CCAR1: variants seen among roughly 807,000 people sequenced by gnomAD.
CCAR1 encodes cell division cycle and apoptosis regulator protein 1.
A neutral mutation model predicts 163.8 loss-of-function variants in CCAR1; 78 were observed. That is an observed-to-expected ratio of 0.48 (90% CI 0.40 to 0.57). The LOEUF (loss-of-function observed/expected upper bound fraction) is 0.57. Among genes scored for constraint, CCAR1 ranks in the 20% least tolerant of loss-of-function variants. The probability of loss-of-function intolerance (pLI) is 0.00; values close to 1 mark genes in which losing one functional copy is unlikely to be tolerated. For synonymous variants in CCAR1, 443 were observed against 460.7 expected, an observed-to-expected ratio of 0.96 and a Z score of 0.49; for missense variants, 1,019 against 1,365.2, an observed-to-expected ratio of 0.75 and a Z score of 4.00.
At chr10:68,751,633 C>T (rs895401279) in intron 10 of CCAR1, among the ~76,000 whole-genome samples, 1 of 151,786 alleles carries the variant, frequency 6.6e-6, no homozygotes, top group African/African-American at 2.4e-5. Flanking sequence ...GAGGCTGAGG[C>T]GGACAGATCA....
chr10:68,724,406 A>C (rs945467412), intron 2 of CCAR1, among the ~76,000 whole-genome samples: 7 of 152,092 alleles, frequency 4.6e-5, no homozygotes, highest in Non-Finnish European at 8.8e-5. Context: ...GCAGAGGTTG[A>C]GTGAGCTGAT....
At chr10:68,770,326 A>C (rs954261293) in intron 17 of CCAR1, among the ~76,000 whole-genome samples, 1 of 152,180 alleles carries the variant, frequency 6.6e-6, no homozygotes, top group African/African-American at 2.4e-5. Flanking sequence ...GGATGATAGG[A>C]GGGGTTTTTA....
chr10:68,790,249 C>T (rs1400863695), intron 24 of CCAR1, among the ~76,000 whole-genome samples: 1 of 151,708 alleles, frequency 6.6e-6, no homozygotes, highest in Non-Finnish European at 1.5e-5. Flanking sequence ...CCTAGCTACC[C>T]GGAAGGCTGA....
intron 18 of CCAR1, 73 bp downstream of exon 18, chr10:68,771,518 T>C (rs2056602303): frequency 3.0e-6 from 4 of 1,343,522 alleles, no homozygotes; most frequent in Non-Finnish European, 4.1e-6. Context: ...TTGATTTCCA[T>C]CAGAATATTA....
chr10:68,780,487 C>A (rs2056722902), intron 19 of CCAR1, among the ~76,000 whole-genome samples: 1 of 152,230 alleles, frequency 6.6e-6, no homozygotes, highest in Non-Finnish European at 1.5e-5. Flanking sequence ...ACCACCACAC[C>A]CAGCCATTAG....
At chr10:68,762,327 TA>T (rs11292489) in intron 16 of CCAR1, among the ~76,000 whole-genome samples, 125,942 of 146,390 alleles carry the variant, frequency 0.86, 54,053 homozygotes, top group Admixed American at 0.89. Context: ...AGACTCTGTC[TA>T]AAAAAAAAAA....
At chr10:68,778,267 C>G (rs1278922200) in intron 19 of CCAR1, among the ~76,000 whole-genome samples, 1 of 152,122 alleles carries the variant, frequency 6.6e-6, no homozygotes, top group Non-Finnish European at 1.5e-5. Context: ...CAAGACTCTA[C>G]CACGTCATGT....
chr10:68,769,034 G>A (rs545210057), intron 17 of CCAR1, among the ~76,000 whole-genome samples: 109 of 152,216 alleles, frequency 7.2e-4, no homozygotes, highest in Middle Eastern at 6.8e-3. Context: ...TAGTGTAATG[G>A]CATGATCTTG....
chr10:68,786,625 G>C lies in CCAR1; in HGVS notation c.2813G>C (p.Gly938Ala). 1 of 1,603,918 alleles carries C rather than the reference G, an allele frequency of 6.2e-7. No individual in the cohort carries two copies. Among genetic ancestry groups the C allele is most frequent in the Non-Finnish European group, 8.5e-7 (1 of 1,174,880 alleles). Residue 938 changes from glycine (G) to alanine (A), a missense_variant, in exon 21 of 25, where the codon GGT becomes GCT. Gly to Ala is a moderately conservative substitution (Grantham distance 60). This residue lies in a region of CCAR1 where 358 missense variants were observed against 406.4 expected (regional missense o/e 0.88). Transcript: ENST00000265872. ...AFVYFDQSHC[G>A]YLLEKDLEEI... is the part of the protein sequence containing the mutation. ...GTTTATTTTGATCAAAGTCATTGTGGTTACCTTCTTGAAAAGGATTTGGAA... is the reference window on the plus strand; with the variant it reads ...GTTTATTTTGATCAAAGTCATTGTGCTTACCTTCTTGAAAAGGATTTGGAA...
rs537009295 is a variant in CCAR1 at position 68,762,801 on chromosome 10, C to T, written c.2106+1609C>T. ...AATGTGAAAAATTCTCGAAGCTTTC[C>T]TAAGCTTTTCAAAAAATGGTCCATA... On this transcript the variant is annotated intron_variant, in intron 16 of 24. Transcript: ENST00000265872. Among the ~76,000 whole-genome samples, 51 of 151,164 alleles carry T rather than the reference C, an allele frequency of 3.4e-4. No homozygotes were observed. In the South Asian group the frequency reaches 9.8e-3, roughly 29 times the overall value.
At chr10:68,789,377 A>C (rs1438700515) in intron 23 of CCAR1, among the ~76,000 whole-genome samples, 1 of 151,520 alleles carries the variant, frequency 6.6e-6, no homozygotes, top group East Asian at 2.0e-4. Context: ...AGATTGTTTG[A>C]GGTCAGGAGT....
intron 4 of CCAR1, among the ~76,000 whole-genome samples, chr10:68,738,960 C>T (rs2056148781): frequency 6.6e-6 from 1 of 152,154 alleles, no homozygotes; most frequent in Non-Finnish European, 1.5e-5. Context: ...GGGAGAAAGT[C>T]ACACTTTGTA....
chr10:68,750,485 A>G (rs1037498517), intron 10 of CCAR1, among the ~76,000 whole-genome samples: 9 of 152,132 alleles, frequency 5.9e-5, no homozygotes, highest in Non-Finnish European at 1.2e-4. Flanking sequence ...TGGCCCTCCC[A>G]AAGTGCTGGG....
intron 19 of CCAR1, 103 bp downstream of exon 19, chr10:68,773,202 A>G (rs1167683572): frequency 6.4e-6 from 4 of 621,642 alleles, no homozygotes; most frequent in Non-Finnish European, 8.3e-6. Context: ...TTTTTTCTTT[A>G]GAATAGAAAG....
chr10:68,777,924 C>G (rs1016352296), intron 19 of CCAR1, among the ~76,000 whole-genome samples: 1 of 151,552 alleles, frequency 6.6e-6, no homozygotes, highest in Non-Finnish European at 1.5e-5. Context: ...AAAGCAAGAC[C>G]CTGTCTGAAA....
chr10:68,742,774 C>T (rs1175865887), intron 6 of CCAR1, among the ~76,000 whole-genome samples: 2 of 151,918 alleles, frequency 1.3e-5, no homozygotes, highest in East Asian at 3.9e-4. Flanking sequence ...CACCACCACA[C>T]TCGGCTAATT....
At chr10:68,764,473 A>G (rs2080899466) in intron 16 of CCAR1, among the ~76,000 whole-genome samples, 2 of 151,862 alleles carry the variant, frequency 1.3e-5, no homozygotes, top group African/African-American at 2.4e-5. Context: ...GGTCAACGCT[A>G]TTTGTGAGCT....
intron 19 of CCAR1, among the ~76,000 whole-genome samples, chr10:68,781,987 CAGTT>C (rs1419408576): frequency 6.6e-6 from 1 of 152,098 alleles, no homozygotes; most frequent in African/African-American, 2.4e-5. Flanking sequence ...TTTTTGGCGT[CAGTT>C]AGCCATGTTG....
At chr10:68,742,963 C>T (rs984401940) in intron 6 of CCAR1, among the ~76,000 whole-genome samples, 4 of 151,804 alleles carry the variant, frequency 2.6e-5, no homozygotes, top group African/African-American at 7.3e-5. Flanking sequence ...GACAGAGCCT[C>T]ACTCGGTTGC....
Sources: gnomAD v4.1 joint callset for allele counts (sites outside exome capture counted in the v4.1 genomes callset) on GRCh38, gnomAD v4.1.1 for gene constraint, gnomAD v4.1.1 regional missense constraint, MANE v1.5 for transcripts, NCBI Gene and HGNC (gene_info 2026-07-23, HGNC 2026-07-21) for gene names.